Variants in NXN observed in about 807,000 individuals in gnomAD.
NXN encodes the protein nucleoredoxin.
A neutral mutation model predicts 48.6 loss-of-function variants in NXN; 16 were observed. That is an observed-to-expected ratio of 0.33 (90% CI 0.22 to 0.50). The LOEUF is 0.50. NXN is among the 20% of genes least tolerant of loss of function. The probability of loss-of-function intolerance (pLI) is 0.98; values close to 1 mark genes in which losing one functional copy is unlikely to be tolerated. For missense variants in NXN, 492 were observed against 605.5 expected (o/e 0.81, Z 1.97); for synonymous variants, 281 against 269.6 (o/e 1.04, Z -0.41).
chr17:810,128 G>T (rs1911871712), intron 5 of NXN, among the ~76,000 whole-genome samples: 1 of 139,192 alleles, frequency 7.2e-6, no homozygotes, highest in African/African-American at 2.8e-5. Flanking sequence ...CGTGTGAGTG[G>T]CGTGCACGTT....
intron 3 of NXN, 143 bp downstream of exon 3, chr17:823,489 A>T: frequency 1.2e-6 from 1 of 810,058 alleles, no homozygotes; most frequent in Non-Finnish European, 2.0e-6. Flanking sequence ...GCACTATTCA[A>T]CCAGGCCTCG....
intron 1 of NXN, chr17:909,700 G>A (rs7214744): frequency 0.12 from 18,626 of 151,928 alleles, 1,488 homozygotes; most frequent in Middle Eastern, 0.24. Context: ...CACCACGCCC[G>A]GCCTAATTTT....
chr17:839,472 T>C (rs1914014927), intron 1 of NXN, among the ~76,000 whole-genome samples: 1 of 150,890 alleles, frequency 6.6e-6, no homozygotes, highest in Non-Finnish European at 1.5e-5. Flanking sequence ...ACATAGGAAG[T>C]GTTCAAATAC....
intron 5 of NXN, among the ~76,000 whole-genome samples, chr17:810,085 G>A (rs1466872153): frequency 2.5e-5 from 3 of 118,978 alleles, no homozygotes; most frequent in Non-Finnish European, 3.6e-5. Flanking sequence ...TGCACGTTAC[G>A]AGTCCGTGTG....
intron 5 of NXN, among the ~76,000 whole-genome samples, chr17:814,561 G>A (rs568644929): frequency 5.3e-5 from 8 of 152,272 alleles, no homozygotes; most frequent in East Asian, 1.9e-4. Context: ...GAAATGACAC[G>A]TACTCGGACC....
chr17:948,472 T>C (rs1246285463), intron 1 of NXN, among the ~76,000 whole-genome samples: 2 of 152,022 alleles, frequency 1.3e-5, no homozygotes, highest in African/African-American at 4.8e-5. Flanking sequence ...TACTGAGGGG[T>C]AGGAGCGGCC....
intron 1 of NXN, among the ~76,000 whole-genome samples, chr17:946,586 C>T (rs1567514000): frequency 6.6e-6 from 1 of 152,162 alleles, no homozygotes; most frequent in Non-Finnish European, 1.5e-5. Context: ...CCACTAACGC[C>T]CTGGCTGAGA....
At position 851,203 on chromosome 17, in the gene NXN, G is replaced by A. The variant is rs534022104; in HGVS notation, c.361-25125C>T. On this transcript the variant is annotated intron_variant, in intron 1 of 7. Transcript: ENST00000336868. ...AGAGAAAGGTCTGTGTCCAAAAGCCGGGGGATGCGGTGGGGAGGCCGGGGC... is the reference window on the plus strand; with the variant it reads ...AGAGAAAGGTCTGTGTCCAAAAGCCAGGGGATGCGGTGGGGAGGCCGGGGC... 4.5e-4 allele frequency among the ~76,000 whole-genome samples: 69 copies of A among 152,328 alleles called. 2 individuals carry two copies. The South Asian group carries it at 0.013, about 30-fold the overall frequency.
chr17:928,750 C>T (rs141240626), intron 1 of NXN, among the ~76,000 whole-genome samples: 18 of 152,206 alleles, frequency 1.2e-4, no homozygotes, highest in East Asian at 1.9e-4. Context: ...GAGGGAGAAT[C>T]GCTTGAACCC....
At chr17:973,525 G>A (rs1197668857) in intron 1 of NXN, among the ~76,000 whole-genome samples, 1 of 152,154 alleles carries the variant, frequency 6.6e-6, no homozygotes, top group Non-Finnish European at 1.5e-5. Context: ...CCCAGGCTTC[G>A]TCGATCAGCA....
chr17:888,659 TA>T (rs1357281908), intron 1 of NXN, among the ~76,000 whole-genome samples: 1 of 151,640 alleles, frequency 6.6e-6, no homozygotes, highest in Non-Finnish European at 1.5e-5. Flanking sequence ...AGAACTTACA[TA>T]AAGATTGACA....
intron 1 of NXN, among the ~76,000 whole-genome samples, chr17:927,759 G>A (rs1241701963): frequency 1.3e-5 from 2 of 152,048 alleles, no homozygotes; most frequent in African/African-American, 4.8e-5. Context: ...CTGGCTCTCA[G>A]AGGCAGAGAA....
intron 1 of NXN, among the ~76,000 whole-genome samples, chr17:867,841 G>A (rs1428119452): frequency 6.6e-6 from 1 of 151,692 alleles, no homozygotes; most frequent in African/African-American, 2.4e-5. Context: ...CATGAGAATC[G>A]CTTGAACCCA....
At chr17:904,268 C>A (rs1171222809) in intron 1 of NXN, among the ~76,000 whole-genome samples, 2 of 147,720 alleles carry the variant, frequency 1.4e-5, no homozygotes, top group Non-Finnish European at 3.0e-5. Flanking sequence ...CTGCGGAGAG[C>A]GGGACCTGCG....
chr17:872,964 C>CT (rs1297596932), intron 1 of NXN, among the ~76,000 whole-genome samples: 3 of 152,154 alleles, frequency 2.0e-5, no homozygotes, highest in South Asian at 2.1e-4. Context: ...AAGCAGACTG[C>CT]TCTCCCCAGT....
rs535542304 is a variant in NXN at position 949,991 on chromosome 17, A to C, written c.360+29328T>G. Among the ~76,000 whole-genome samples the C allele has an allele frequency of 2.6e-5, 4 of 152,262 alleles. No homozygotes were observed. In the South Asian group the frequency reaches 8.3e-4, roughly 32 times the overall value. On this transcript the variant is annotated intron_variant, in intron 1 of 7. Coordinates refer to ENST00000336868, the MANE Select transcript of NXN (RefSeq NM_022463.5). The stretch of plus-strand genomic sequence containing the variant: ...CCAGGTCCTGGTCCTCCTTGGAGCC[A>C]AAACAATTAGTAGGCTGAAGACAGC...
intron 1 of NXN, among the ~76,000 whole-genome samples, chr17:903,284 C>A (rs1225553271): frequency 6.6e-6 from 1 of 152,054 alleles, no homozygotes; most frequent in East Asian, 1.9e-4. Flanking sequence ...TGGCTCACTG[C>A]AACCTCCTCT....
chr17:955,873 G>A (rs1022250738), intron 1 of NXN, among the ~76,000 whole-genome samples: 1 of 151,562 alleles, frequency 6.6e-6, no homozygotes, highest in Non-Finnish European at 1.5e-5. Flanking sequence ...CTGCACTCCA[G>A]CCTGGGCGAC....
chr17:945,492 G>C (rs1175038115), intron 1 of NXN, among the ~76,000 whole-genome samples: 1 of 151,360 alleles, frequency 6.6e-6, no homozygotes, highest in Non-Finnish European at 1.5e-5. Context: ...TTAGCCGGGC[G>C]TGGTGGCGGG....
Sources: gnomAD v4.1 joint callset for allele counts (sites outside exome capture counted in the v4.1 genomes callset) on GRCh38, gnomAD v4.1.1 for gene constraint, MANE v1.5 for transcripts, NCBI Gene and HGNC (gene_info 2026-07-23, HGNC 2026-07-21) for gene names.